GRID2: variants seen among roughly 807,000 people sequenced by gnomAD.
GRID2 encodes glutamate receptor ionotropic, delta-2.
Under a neutral mutation model 114.8 loss-of-function variants are expected in GRID2, and 33 were observed. The observed-to-expected ratio is 0.29, with a 90% confidence interval of 0.22 to 0.38. The LOEUF is 0.38. Among genes scored for constraint, GRID2 ranks in the 10% least tolerant of loss-of-function variants. GRID2 has a pLI of 1.00. For synonymous variants in GRID2, 505 were observed against 449.9 expected (o/e 1.12, Z -1.55); for missense variants, 1,184 against 1,257.7 (o/e 0.94, Z 0.89).
intron 2 of GRID2, among the ~76,000 whole-genome samples, chr4:92,754,176 A>G (rs1004432052): frequency 6.6e-6 from 1 of 152,218 alleles, no homozygotes; most frequent in Non-Finnish European, 1.5e-5. Context: ...TGAAAAGACT[A>G]ATGTAAACTA....
At chr4:92,712,799 A>G (rs759199145) in intron 2 of GRID2, among the ~76,000 whole-genome samples, 15 of 152,244 alleles carry the variant, frequency 9.9e-5, no homozygotes, top group Non-Finnish European at 2.2e-4. Flanking sequence ...AAATGTATAC[A>G]AATAGATTAT....
intron 1 of GRID2, among the ~76,000 whole-genome samples, chr4:92,547,669 A>AC (rs1431497053): frequency 6.9e-6 from 1 of 144,128 alleles, no homozygotes; most frequent in Non-Finnish European, 1.6e-5. Context: ...CTGAAAAGGA[A>AC]CTTTTTTTTT....
chr4:92,958,415 T>C (rs1752571394), intron 2 of GRID2, among the ~76,000 whole-genome samples: 1 of 152,098 alleles, frequency 6.6e-6, no homozygotes, highest in Admixed American at 6.6e-5. Context: ...TTTCTACATC[T>C]ATTGATACAG....
intron 8 of GRID2, chr4:93,318,784 TCTG>T (rs886385929): frequency 9.2e-5 from 14 of 152,150 alleles, no homozygotes; most frequent in African/African-American, 3.4e-4. Flanking sequence ...ATCTCCTCCT[TCTG>T]CTGGTGTCAG....
rs527981991 is a variant in GRID2 at position 93,047,429 on chromosome 4, A to AT, written c.245-37561dup. On this transcript the variant is annotated intron_variant, in intron 2 of 15. Coordinates refer to ENST00000282020, the MANE Select transcript of GRID2 (RefSeq NM_001510.4). ...AGAAACTGACTATAGGATATATGGG[A>AT]TTTTTCTACTGTCCTCTTGATTTTT... Among the ~76,000 whole-genome samples, 6 of 152,158 alleles carry AT rather than the reference A, an allele frequency of 3.9e-5. No individual in the cohort carries two copies. In the East Asian group the frequency reaches 7.8e-4, roughly 20 times the overall value.
At chr4:93,376,768 A>G (rs1763419913) in intron 8 of GRID2, among the ~76,000 whole-genome samples, 1 of 152,162 alleles carries the variant, frequency 6.6e-6, no homozygotes, top group African/African-American at 2.4e-5. Flanking sequence ...GAGCTGAACA[A>G]CGAGAACACA....
At chr4:93,167,269 G>T (rs1738343151) in intron 4 of GRID2, among the ~76,000 whole-genome samples, 1 of 152,054 alleles carries the variant, frequency 6.6e-6, no homozygotes, top group African/African-American at 2.4e-5. Context: ...CCCATTCCTT[G>T]TTTGATGGCT....
intron 2 of GRID2, among the ~76,000 whole-genome samples, chr4:92,767,992 TTCTAATTATTATTATA>T: frequency 6.6e-6 from 1 of 152,294 alleles, no homozygotes; most frequent in East Asian, 1.9e-4. Flanking sequence ...TTTTGTATTC[TTCTAATTATTATTATA>T]TCTGTTATTT....
chr4:93,099,421 C>A lies in GRID2; in HGVS notation c.530-11327C>A, dbSNP rs573333209. Among the ~76,000 whole-genome samples the A allele has an allele frequency of 2.6e-5, 4 of 151,962 alleles. No homozygotes were observed. In the South Asian group the frequency reaches 8.3e-4, roughly 31 times the overall value. On this transcript the variant is annotated intron_variant, in intron 3 of 15. Transcript: ENST00000282020. Reference sequence around the variant, plus strand: ...TCTTATAGTTTCAGGATAGCCTTTACTATTCTGCAACAAGGTTGGTGGTAA... The same window carrying A: ...TCTTATAGTTTCAGGATAGCCTTTAATATTCTGCAACAAGGTTGGTGGTAA...
At chr4:93,794,208 A>G (rs750278793) in intron 1 of GRID2, among the ~76,000 whole-genome samples, 3 of 152,198 alleles carry the variant, frequency 2.0e-5, no homozygotes, top group Non-Finnish European at 4.4e-5. Flanking sequence ...TTTAGATGGC[A>G]GTGATACGTC....
At chr4:93,029,592 A>C (rs1240836357) in intron 2 of GRID2, among the ~76,000 whole-genome samples, 1 of 152,152 alleles carries the variant, frequency 6.6e-6, no homozygotes, top group African/African-American at 2.4e-5. Flanking sequence ...TTTCACACTA[A>C]AAATATCATA....
intron 13 of GRID2, among the ~76,000 whole-genome samples, chr4:93,530,563 T>TCTAC (rs1313018446): frequency 1.3e-5 from 2 of 152,152 alleles, no homozygotes; most frequent in Non-Finnish European, 2.9e-5. Flanking sequence ...ATTTTCAAGG[T>TCTAC]CTACCTCAGT....
chr4:92,580,369 A>G (rs920574037), intron 1 of GRID2, among the ~76,000 whole-genome samples: 1 of 151,162 alleles, frequency 6.6e-6, no homozygotes, highest in Non-Finnish European at 1.5e-5. Flanking sequence ...CAGAGTTAAT[A>G]AATTATGAAG....
chr4:93,064,015 T>G (rs1443144810), intron 2 of GRID2, among the ~76,000 whole-genome samples: 1 of 148,716 alleles, frequency 6.7e-6, no homozygotes, highest in African/African-American at 2.5e-5. Flanking sequence ...TATATTATAT[T>G]TAATAATATT....
chr4:92,641,772 G>A (rs952650507), intron 2 of GRID2, among the ~76,000 whole-genome samples: 18 of 151,668 alleles, frequency 1.2e-4, no homozygotes, highest in Admixed American at 3.3e-4. Flanking sequence ...GTAGCTTTAC[G>A]ATGCATGCCC....
At chr4:92,709,036 G>T (rs1385540064) in intron 2 of GRID2, among the ~76,000 whole-genome samples, 10 of 152,126 alleles carry the variant, frequency 6.6e-5, no homozygotes, top group Non-Finnish European at 1.5e-4. Flanking sequence ...AGAGTTGGTG[G>T]ATCAGCAAAA....
Position 92,978,797 on chromosome 4 carries a change from C to T in GRID2, c.245-106198C>T, listed in dbSNP as rs542841078. ...CTGTAATCCTGGCACTTTGGGAGGCCGAGATAGGAGAATCACCTGGGGCCC... is the reference window on the plus strand; with the variant it reads ...CTGTAATCCTGGCACTTTGGGAGGCTGAGATAGGAGAATCACCTGGGGCCC... On this transcript the variant is annotated intron_variant, in intron 2 of 15. Transcript: ENST00000282020. 7.2e-5 allele frequency among the ~76,000 whole-genome samples: 11 copies of T among 152,008 alleles called. No individual in the cohort carries two copies. In the South Asian group the frequency reaches 1.3e-3, roughly 17 times the overall value.
chr4:92,738,734 A>G (rs1736723487), intron 2 of GRID2, among the ~76,000 whole-genome samples: 1 of 152,004 alleles, frequency 6.6e-6, no homozygotes, highest in African/African-American at 2.4e-5. Flanking sequence ...TCACTGCAGC[A>G]CTGAACTCCT....
At position 93,250,769 on chromosome 4, in the gene GRID2, A is replaced by T. The variant is rs186263667; in HGVS notation, c.1245+12279A>T. On this transcript the variant is annotated intron_variant, in intron 8 of 15. Transcript: ENST00000282020. ...TTATATATATATTTATATATATATA[A>T]AAAAAGTGTGCATGCATGTATATAT... Among the ~76,000 whole-genome samples the T allele has an allele frequency of 1.7e-3, 245 of 147,546 alleles. 3 individuals are homozygous for T. The highest frequency in any genetic ancestry group is 0.011 in the Middle Eastern group (3 of 280).
Sources: gnomAD v4.1 joint callset for allele counts (sites outside exome capture counted in the v4.1 genomes callset) on GRCh38, gnomAD v4.1.1 for gene constraint, MANE v1.5 for transcripts, NCBI Gene and HGNC (gene_info 2026-07-23, HGNC 2026-07-21) for gene names.